LRP5: variants seen among roughly 807,000 people sequenced by gnomAD.
LRP5 encodes the protein low-density lipoprotein receptor-related protein 5.
Under a neutral mutation model 154.1 loss-of-function variants are expected in LRP5, and 62 were observed. That is an observed-to-expected ratio of 0.40 (90% CI 0.33 to 0.50). The LOEUF (loss-of-function observed/expected upper bound fraction) is 0.50, where lower values mean the gene tolerates loss of function less well. LRP5 is among the 20% of genes least tolerant of loss of function. The pLI is 0.55. For synonymous variants in LRP5, 966 were observed against 1,011.5 expected (o/e 0.96, Z 0.85); for missense variants, 1,915 against 2,336.7 (o/e 0.82, Z 3.72).
intron 16 of LRP5, among the ~76,000 whole-genome samples, chr11:68,429,248 G>A (rs2098670622): frequency 6.6e-6 from 1 of 152,064 alleles, no homozygotes. Context: ...GTGTGACCCT[G>A]TCTCAAAGTA....
At chr11:68,436,762 C>T (rs969642317) in intron 18 of LRP5, 127 bp from the exon 19 acceptor site, 25 of 697,504 alleles carry the variant, frequency 3.6e-5, no homozygotes, top group East Asian at 5.3e-5. Context: ...GACCACTCCC[C>T]GCTGGTCCTA....
Position 68,425,125 on chromosome 11 carries a change from A to G in LRP5, c.3260A>G (p.Gln1087Arg). 1.2e-6 allele frequency: 2 copies of G among 1,613,794 alleles called. No individual in the cohort carries two copies. Among genetic ancestry groups the G allele is most frequent in the South Asian group, 1.1e-5 (1 of 91,084 alleles). Residue 1087 changes from glutamine to arginine, a missense_variant, in exon 15 of 23, where the codon CAG (glutamine) becomes CGG (arginine). Physicochemically the swap from Gln to Arg is conservative, Grantham distance 43. This residue lies in a region of LRP5 where 1,094 missense variants were observed against 1,210.1 expected (regional missense o/e 0.90). Coordinates refer to ENST00000294304, the MANE Select transcript of LRP5 (RefSeq NM_002335.4). ...AGGTACCTGTACTTCACCAACATGC[A>G]GGACCGGGCAGCCAAGATCGAACGC... ...ERGYLYFTNM[Q>R]DRAAKIERAA...
the LRP5 span, among the ~76,000 whole-genome samples, chr11:68,307,337 T>C: frequency 1.3e-5 from 2 of 150,220 alleles, no homozygotes; most frequent in East Asian, 2.0e-4. Context: ...TTAGAAAAAT[T>C]TTTTAAAGTG....
intron 5 of LRP5, among the ~76,000 whole-genome samples, chr11:68,384,908 C>T (rs1437093267): frequency 1.3e-5 from 2 of 152,172 alleles, no homozygotes; most frequent in Non-Finnish European, 2.9e-5. Flanking sequence ...GGCGGGACCC[C>T]GTCCACAGCG....
At chr11:68,347,570 A>G (rs1201121251) in intron 1 of LRP5, among the ~76,000 whole-genome samples, 2 of 152,198 alleles carry the variant, frequency 1.3e-5, no homozygotes, top group Non-Finnish European at 2.9e-5. Flanking sequence ...GGTCACCCAT[A>G]TCTGGGGGAA....
chr11:68,434,474 G>T (rs932905102), intron 18 of LRP5, among the ~76,000 whole-genome samples: 1 of 152,062 alleles, frequency 6.6e-6, no homozygotes, highest in African/African-American at 2.4e-5. Context: ...CTGCCTCCAG[G>T]GTTCAATCGA....
intron 2 of LRP5, 24 bp downstream of exon 2, chr11:68,348,267 T>C: frequency 6.2e-7 from 1 of 1,601,522 alleles, no homozygotes; most frequent in Middle Eastern, 1.7e-4. Flanking sequence ...CGACTCCACC[T>C]GGGTCCAGGG....
intron 3 of LRP5, among the ~76,000 whole-genome samples, chr11:68,362,208 G>T (rs188886390): frequency 6.6e-6 from 1 of 152,302 alleles, no homozygotes; most frequent in Non-Finnish European, 1.5e-5. Context: ...TATATGAGAT[G>T]TTGAGAATGT....
rs757930323 is a variant in LRP5, at chr11:68,347,936, G to A, written c.181G>A (p.Gly61Ser). 3.4e-5 allele frequency: 55 copies of A among 1,613,820 alleles called. No individual in the cohort carries two copies. Among genetic ancestry groups the A allele is most frequent in the Non-Finnish European group, 4.2e-5 (49 of 1,180,048 alleles). ...GCTGGAGTCCACCATCGTGGTCAGC[G>A]GCCTGGAGGATGCGGCCGCAGTGGA... ...VKLESTIVVS[G>S]LEDAAAVDFQ... The change falls in exon 2 of 23, where the codon GGC (glycine) becomes AGC (serine). Residue 61 changes from glycine (G) to serine (S), a missense_variant. By Grantham distance (56) the Gly-to-Ser change is moderately conservative (BLOSUM62 0). This residue lies in a region of LRP5 where 773 missense variants were observed against 1,100.9 expected (regional missense o/e 0.70). Coordinates refer to ENST00000294304, the MANE Select transcript of LRP5 (RefSeq NM_002335.4).
chr11:68,429,839 C>A, intron 17 of LRP5, 139 bp downstream of exon 17: 1 of 1,138,682 alleles, frequency 8.8e-7, no homozygotes, highest in South Asian at 1.3e-5. Context: ...CTTCCTTTGC[C>A]CTCCTTTCTT....
upstream of LRP5, among the ~76,000 whole-genome samples, chr11:68,308,259 G>C (rs2098585160): frequency 6.6e-6 from 1 of 152,224 alleles, no homozygotes; most frequent in African/African-American, 2.4e-5. Flanking sequence ...CCGGGTTGGG[G>C]GGGGCTCTTG....
intron 5 of LRP5, among the ~76,000 whole-genome samples, chr11:68,371,220 C>A (rs2098633836): frequency 6.6e-6 from 1 of 152,174 alleles, no homozygotes; most frequent in Non-Finnish European, 1.5e-5. Flanking sequence ...GGTTTGTCAC[C>A]AGGATGGCTC....
rs1421796131 is a variant in LRP5, at chr11:68,447,931, G to T, written c.4587-878G>T. On this transcript the variant is annotated intron_variant, in intron 22 of 22. Transcript: ENST00000294304. This position sits in a 1 kb window ranked among gnomAD's most constrained non-coding sequence, Gnocchi z 4.3. ...AGTCAGGTTGCTTGAACTCAGGATG[G>T]AAGTGTTCCGGGCCCATTGGTTGCT... Among the ~76,000 whole-genome samples the T allele has an allele frequency of 6.6e-6, 1 of 152,162 alleles. No homozygotes were observed. Among genetic ancestry groups the T allele is most frequent in the Non-Finnish European group, 1.5e-5 (1 of 68,022 alleles).
At chr11:68,364,742 T>G (rs2098630003) in intron 4 of LRP5, among the ~76,000 whole-genome samples, 2 of 152,028 alleles carry the variant, frequency 1.3e-5, no homozygotes, top group Non-Finnish European at 2.9e-5. Flanking sequence ...AATTGAAATG[T>G]GGGGCCTAGG....
In LRP5 at chr11:68,386,229, T is replaced by A; in HGVS notation, c.1016-87T>A. ...GGAGAGCCCTGGGGGCCTGGCTGAG[T>A]ATTTCCCTTGCCCGGCCCACCCCAG... On this transcript the variant is annotated intron_variant, in intron 5 of 22. Transcript: ENST00000294304. The surrounding 1 kb of genome is among the most constrained non-coding windows in gnomAD (Gnocchi z 7.9). 6.5e-7 allele frequency: 1 copy of A among 1,539,058 alleles called. No individual in the cohort carries two copies. The highest frequency in any genetic ancestry group is 1.9e-4 in the Middle Eastern group (1 of 5,340).
chr11:68,341,059 C>CTTTGTTTTTTTTTTTTTTTTTTTT (rs2098608755), intron 1 of LRP5, among the ~76,000 whole-genome samples: 2 of 83,496 alleles, frequency 2.4e-5, no homozygotes, highest in Non-Finnish European at 4.8e-5. Context: ...GGAGATTGTT[C>CTTTGTTTTTTTTTTTTTTTTTTTT]TTTTTTTTTT....
At chr11:68,392,404 T>C (rs184821974) in intron 7 of LRP5, among the ~76,000 whole-genome samples, 43 of 152,196 alleles carry the variant, frequency 2.8e-4, no homozygotes, top group Admixed American at 2.6e-3. Flanking sequence ...CTCGGGAGGC[T>C]GAGGCAGGAG....
At chr11:68,314,651 C>A (rs1449653011) in intron 1 of LRP5, among the ~76,000 whole-genome samples, 1 of 152,252 alleles carries the variant, frequency 6.6e-6, no homozygotes, top group African/African-American at 2.4e-5. Flanking sequence ...GCTCCCAAGC[C>A]CTAGTCCTCT....
rs539250194 is a variant in LRP5, at chr11:68,323,407, T to C, written c.91+10602T>C. ...ACAGGCGTGAGCCACCAAGCCTGGC[T>C]TGGTGCTTTTTAAATTTATTTTGAG... On this transcript the variant is annotated intron_variant, in intron 1 of 22. Transcript: ENST00000294304. Among the ~76,000 whole-genome samples, 246 of 152,186 alleles carry C rather than the reference T, an allele frequency of 1.6e-3. 2 individuals are homozygous for C. Among genetic ancestry groups the C allele is most frequent in the Non-Finnish European group, 2.9e-3 (195 of 67,994 alleles).
Sources: gnomAD v4.1 joint callset for allele counts (sites outside exome capture counted in the v4.1 genomes callset) on GRCh38, gnomAD v4.1.1 for gene constraint, gnomAD v4.1.1 regional missense constraint, Gnocchi (gnomAD v3.1) non-coding constraint, MANE v1.5 for transcripts, NCBI Gene and HGNC (gene_info 2026-07-23, HGNC 2026-07-21) for gene names.